The following ADGRL2 variants were observed in gnomAD, a reference collection of about 807,000 sequenced individuals.
ADGRL2 encodes the protein adhesion G protein-coupled receptor L2, also known as calcium-independent alpha-latrotoxin receptor 2.
A neutral mutation model predicts 157.4 loss-of-function variants in ADGRL2; 44 were observed. The observed-to-expected ratio is 0.28, with a 90% CI of 0.22 to 0.36. The LOEUF (loss-of-function observed/expected upper bound fraction) is 0.36. ADGRL2 is among the 10% of genes least tolerant of loss of function. The pLI is 1.00. For synonymous variants in ADGRL2, 585 were observed against 624.7 expected (o/e 0.94, Z 0.95); for missense variants, 1,510 against 1,768.9 (o/e 0.85, Z 2.63).
intron 1 of ADGRL2, among the ~76,000 whole-genome samples, chr1:81,368,450 C>T (rs1274234011): frequency 6.6e-6 from 1 of 152,192 alleles, no homozygotes. Context: ...TTAGCTATCT[C>T]TACCTCCACT....
intron 1 of ADGRL2, chr1:81,722,873 A>G: frequency 1.4e-6 from 1 of 713,890 alleles, no homozygotes; most frequent in Non-Finnish European, 2.5e-6. Flanking sequence ...TCCCAGAGGA[A>G]TATCTGGAAT....
At chr1:81,866,626 A>C (rs1221418079) in intron 2 of ADGRL2, among the ~76,000 whole-genome samples, 2 of 152,152 alleles carry the variant, frequency 1.3e-5, no homozygotes, top group African/African-American at 2.4e-5. Context: ...GGCAGGCAAA[A>C]GTTATTTTAA....
intron 2 of ADGRL2, among the ~76,000 whole-genome samples, chr1:81,534,299 T>C (rs2079679315): frequency 6.6e-6 from 1 of 152,114 alleles, no homozygotes; most frequent in Non-Finnish European, 1.5e-5. Context: ...ATACCTGGGA[T>C]TACAGGCACG....
chr1:81,761,128 T>C (rs1352972666), intron 1 of ADGRL2, among the ~76,000 whole-genome samples: 1 of 151,890 alleles, frequency 6.6e-6, no homozygotes, highest in Admixed American at 6.6e-5. Flanking sequence ...TTAGGATTTA[T>C]AGTTTGAAAT....
chr1:81,825,316 C>T (rs1557716675), intron 1 of ADGRL2, among the ~76,000 whole-genome samples: 1 of 152,084 alleles, frequency 6.6e-6, no homozygotes, highest in Non-Finnish European at 1.5e-5. Flanking sequence ...GAGCTATGGT[C>T]GTGCCATTGC....
rs371687769 is a variant in ADGRL2, at chr1:81,853,627, T to G, written c.73+16570T>G. Among the ~76,000 whole-genome samples, 190 of 152,312 alleles carry G rather than the reference T, an allele frequency of 1.2e-3. 7 individuals carry two copies. The South Asian group carries it at 0.036, about 29-fold the overall frequency. On this transcript the variant is annotated intron_variant, in intron 2 of 23. Transcript: ENST00000686636. Reference sequence around the variant, plus strand: ...ACCTATGTGAATAAGCAGTGAAATTTTCAAAGACTGTAAAAAATGAAAGCA... The same window carrying G: ...ACCTATGTGAATAAGCAGTGAAATTGTCAAAGACTGTAAAAAATGAAAGCA...
At chr1:81,464,833 C>A (rs1392568175) in intron 2 of ADGRL2, among the ~76,000 whole-genome samples, 1 of 150,064 alleles carries the variant, frequency 6.7e-6, no homozygotes, top group African/African-American at 2.4e-5. Context: ...TAAATAGTTT[C>A]TTTTGCAATA....
At chr1:81,501,111 C>T (rs2078835959) in intron 2 of ADGRL2, among the ~76,000 whole-genome samples, 1 of 152,168 alleles carries the variant, frequency 6.6e-6, no homozygotes, top group East Asian at 1.9e-4. Flanking sequence ...AGAGCTAACT[C>T]GCAGGGGCAA....
chr1:81,489,999 A>G (rs1321423712), intron 2 of ADGRL2, among the ~76,000 whole-genome samples: 1 of 139,230 alleles, frequency 7.2e-6, no homozygotes, highest in Non-Finnish European at 1.5e-5. Context: ...CTATATAGTA[A>G]CTGAAAGCCA....
intron 3 of ADGRL2, among the ~76,000 whole-genome samples, chr1:81,921,367 G>A (rs544353485): frequency 1.2e-4 from 19 of 152,158 alleles, no homozygotes; most frequent in Admixed American, 2.0e-4. Flanking sequence ...TCTGCAAAAC[G>A]TGTAAAAAAT....
At chr1:81,422,249 A>G (rs1260844041) in intron 1 of ADGRL2, among the ~76,000 whole-genome samples, 1 of 152,044 alleles carries the variant, frequency 6.6e-6, no homozygotes, top group Non-Finnish European at 1.5e-5. Flanking sequence ...TATCATACAA[A>G]CAATTTTTTT....
chr1:81,464,046 A>G (rs948101899), intron 2 of ADGRL2, among the ~76,000 whole-genome samples: 1 of 152,140 alleles, frequency 6.6e-6, no homozygotes, highest in Non-Finnish European at 1.5e-5. Context: ...AATGAATTGC[A>G]TACATACACA....
chr1:81,386,321 C>G (rs1428633711), intron 1 of ADGRL2, among the ~76,000 whole-genome samples: 10 of 152,248 alleles, frequency 6.6e-5, no homozygotes, highest in Non-Finnish European at 1.3e-4. Flanking sequence ...AGGTGACCAG[C>G]ATTCCTTGGT....
intron 1 of ADGRL2, among the ~76,000 whole-genome samples, chr1:81,432,957 C>G (rs796550650): frequency 1.4e-3 from 206 of 152,220 alleles, no homozygotes; most frequent in African/African-American, 4.7e-3. Context: ...GAAAAAGTGT[C>G]TGTGGAAATA....
At chr1:81,328,025 C>T (rs1661014877) in intron 1 of ADGRL2, among the ~76,000 whole-genome samples, 1 of 152,102 alleles carries the variant, frequency 6.6e-6, no homozygotes, top group Non-Finnish European at 1.5e-5. Flanking sequence ...TTTGAAACAA[C>T]CTCAGGGAAC....
chr1:81,677,720 C>T (rs894571972), intron 3 of ADGRL2, among the ~76,000 whole-genome samples: 2 of 152,150 alleles, frequency 1.3e-5, no homozygotes, highest in Non-Finnish European at 2.9e-5. Context: ...GTGTAATTCA[C>T]CCTTACCCGA....
intron 3 of ADGRL2, among the ~76,000 whole-genome samples, chr1:81,914,963 G>C (rs1032613818): frequency 6.6e-6 from 1 of 152,166 alleles, no homozygotes; most frequent in Non-Finnish European, 1.5e-5. Flanking sequence ...TTCACATTTA[G>C]TGTGCAAGAA....
At chr1:81,755,449 C>T (rs1313062070) in intron 1 of ADGRL2, among the ~76,000 whole-genome samples, 1 of 151,964 alleles carries the variant, frequency 6.6e-6, no homozygotes, top group African/African-American at 2.4e-5. Flanking sequence ...GAAGAGTTAA[C>T]ATTTCAAGTC....
At chr1:81,925,266 C>T (rs1177114069) in intron 3 of ADGRL2, among the ~76,000 whole-genome samples, 2 of 152,004 alleles carry the variant, frequency 1.3e-5, no homozygotes, top group Non-Finnish European at 2.9e-5. Context: ...CCAACATTAA[C>T]TTATTAATTC....
Sources: allele counts gnomAD v4.1 joint callset (sites outside exome capture counted in the v4.1 genomes callset), GRCh38; gene constraint gnomAD v4.1.1; transcripts MANE v1.5; gene names NCBI Gene and HGNC (gene_info 2026-07-23, HGNC 2026-07-21).